The following PIDD1 variants were observed in gnomAD, a reference collection of about 807,000 sequenced individuals.
The protein encoded by PIDD1 is p53-induced death domain protein 1, also known as p53-induced death domain-containing protein 1.
PIDD1 carries 72 observed loss-of-function variants against 80.0 expected under a neutral mutation model. The ratio of observed to expected loss-of-function variants is 0.90; its 90% CI spans 0.74 to 1.09. The LOEUF is 1.09. Among genes scored for constraint, PIDD1 ranks in the 50% least tolerant of loss-of-function variants. The pLI is 0.00. For missense variants in PIDD1, 1,329 were observed against 1,228.3 expected (o/e 1.08, Z -1.23); for synonymous variants, 655 against 543.5 (o/e 1.21, Z -2.85).
In PIDD1 at chr11:803,605, G is replaced by A. The variant is rs374262530; in HGVS notation, c.296-18C>T. 15 of 1,592,056 alleles carry A rather than the reference G, an allele frequency of 9.4e-6. No individual in the cohort carries two copies. Among genetic ancestry groups the A allele is most frequent in the East Asian group, 4.6e-5 (2 of 43,710 alleles). On this transcript the variant is annotated intron_variant, in intron 2 of 15. Coordinates refer to ENST00000347755, the MANE Select transcript of PIDD1 (RefSeq NM_145886.4). ...TTGCCCTCCTGGGAAGGGGGGAGGC[G>A]GATGTGGCCCTCAGAGCCAGGGTCC...
Position 804,074 on chromosome 11 carries a change from C to A in PIDD1, c.295+20G>T, listed in dbSNP as rs1164111544. 4.4e-6 allele frequency: 7 copies of A among 1,589,690 alleles called. No homozygotes were observed. In the South Asian group the frequency reaches 7.9e-5, roughly 18 times the overall value. On this transcript the variant is annotated intron_variant, in intron 2 of 15. Coordinates refer to ENST00000347755, the MANE Select transcript of PIDD1 (RefSeq NM_145886.4). Reference sequence around the variant, plus strand: ...GCAGAGCGAGAGATGGAGACAGGGCCCAGAACAGGTGGAACTCACCTTTGA... The same window carrying A: ...GCAGAGCGAGAGATGGAGACAGGGCACAGAACAGGTGGAACTCACCTTTGA...
In PIDD1 at chr11:800,860, C is replaced by T. The variant is rs1359251563; in HGVS notation, c.1819G>A (p.Ala607Thr). ...CGGTGCAGCCGCAGCCGCTCCCAGG[C>T]CTTCCGAGCCAGGCCTCCCACACAG... ...KNCVGGLARK[A>T]WERLRLHRVN... Residue 607 changes from alanine to threonine, a missense_variant, in exon 11 of 16, where the codon GCC (alanine) becomes ACC (threonine). By Grantham distance (58) the Ala-to-Thr change is moderately conservative. Transcript: ENST00000347755. 1.9e-6 allele frequency: 3 copies of T among 1,578,918 alleles called. No individual in the cohort carries two copies. Among genetic ancestry groups the T allele is most frequent in the East Asian group, 2.3e-5 (1 of 43,480 alleles).
chr11:806,459 G>T (rs1025035888), upstream of PIDD1, among the ~76,000 whole-genome samples: 1 of 152,016 alleles, frequency 6.6e-6, no homozygotes, highest in Non-Finnish European at 1.5e-5. Flanking sequence ...AGGTCATATC[G>T]GCGGCTCCTT....
chr11:802,381 A>AG lies in PIDD1; in HGVS notation c.989dup (p.Gln331SerfsTer44), dbSNP rs764945740. ...AGGCCAGGGTCACTGAGCAGCCTTG[A>AG]GGGGTCACAGGAAAGCTGAGTGAGG... On this transcript the variant is annotated frameshift_variant, in exon 6 of 16. Coordinates refer to ENST00000347755, the MANE Select transcript of PIDD1 (RefSeq NM_145886.4). LOFTEE classifies it high-confidence loss of function. The AG allele has an allele frequency of 4.3e-6, 7 of 1,611,968 alleles. No individual in the cohort carries two copies. Among genetic ancestry groups the AG allele is most frequent in the Non-Finnish European group, 5.9e-6 (7 of 1,179,810 alleles).
At chr11:806,844 A>G (rs1441270484), upstream of PIDD1, among the ~76,000 whole-genome samples, 1 of 152,106 alleles carries the variant, frequency 6.6e-6, no homozygotes, top group East Asian at 1.9e-4. Context: ...CGGCCTCCCA[A>G]AGTGCTGGGA....
At chr11:805,772 T>C (rs1865737623), upstream of PIDD1, 2 of 747,742 alleles carry the variant, frequency 2.7e-6, no homozygotes, top group Non-Finnish European at 3.3e-6. Context: ...TGGCACTGTC[T>C]CCTTCAATCG....
Position 802,664 on chromosome 11 carries a change from T to G in PIDD1, c.919+18A>C, listed in dbSNP as rs778064612. ...TCATGTCCTATCCCAGGTCTGCCCC[T>G]TCTAGCACCAAGCCTACCTGGTGAA... On this transcript the variant is annotated intron_variant, in intron 4 of 15. Transcript: ENST00000347755. 1.9e-6 allele frequency: 3 copies of G among 1,608,046 alleles called. No homozygotes were observed. The highest frequency in any genetic ancestry group is 2.2e-5 in the South Asian group (2 of 90,234).
Position 799,361 on chromosome 11 carries a change from G to C in PIDD1, c.2679C>G (p.Asp893Glu), listed in dbSNP as rs563279130. The C allele has an allele frequency of 6.2e-7, 1 of 1,611,292 alleles. No homozygotes were observed. Among genetic ancestry groups the C allele is most frequent in the East Asian group, 2.2e-5 (1 of 44,880 alleles). ...SIRRMGLAPKDPALPGSSAPQ... is the reference protein window; with the variant it reads ...SIRRMGLAPKEPALPGSSAPQ... Reference sequence around the variant, plus strand: ...GAGCCGAGGAGCCAGGCAGAGCGGGGTCCTTGGGGGCCAAGCCCATGCGTC... The same window carrying C: ...GAGCCGAGGAGCCAGGCAGAGCGGGCTCCTTGGGGGCCAAGCCCATGCGTC... Residue 893 changes from aspartate to glutamate, a missense_variant, in exon 16 of 16, where the codon GAC becomes GAG. Physicochemically the swap from Asp to Glu is conservative, Grantham distance 45 (BLOSUM62 2). Coordinates refer to ENST00000347755, the MANE Select transcript of PIDD1 (RefSeq NM_145886.4).
Position 799,333 on chromosome 11 carries a change from G to A in PIDD1, c.2707C>T (p.Gln903Ter), listed in dbSNP as rs2133741291. The A allele has an allele frequency of 1.2e-6, 2 of 1,606,972 alleles. No individual in the cohort carries two copies. The highest frequency in any genetic ancestry group is 1.1e-5 in the South Asian group (1 of 90,874). ...DPALPGSSAP[Q>*]PPEPAQA ...TAGGCCTGGGCAGGCTCTGGGGGCT[G>A]TGGAGCCGAGGAGCCAGGCAGAGCG... is the stretch of plus-strand genomic sequence containing the variant. Residue 903 changes from glutamine (Q) to a stop codon, truncating the protein, a stop_gained, in exon 16 of 16, where the codon CAG (glutamine) becomes TAG (stop). Transcript: ENST00000347755. LOFTEE classifies it high-confidence loss of function.
At chr11:805,548 A>C, upstream of PIDD1, 12 of 916,106 alleles carry the variant, frequency 1.3e-5, no homozygotes, top group Non-Finnish European at 1.6e-5. Context: ...GCTCCGAGGC[A>C]GACCCGGCCC....
At chr11:800,485 T>TTGGGGAGGA (rs1865186224) in intron 12 of PIDD1, 34 bp from the exon 13 acceptor site, 1 of 1,545,214 alleles carries the variant, frequency 6.5e-7, no homozygotes, top group African/African-American at 1.4e-5. Flanking sequence ...CAAGGAGGGC[T>TTGGGGAGGA]CGGGGAGGAC....
Position 804,446 on chromosome 11 carries a change from A to G in PIDD1, c.-58T>C. ...TCCCAGCACGCAGGCAGGCCTGTCC[A>G]GGCAGCGCCCGGGGAAGCTGCAGAG... On this transcript the variant is annotated 5_prime_UTR_variant, in exon 2 of 16. Transcript: ENST00000347755. 1.3e-6 allele frequency: 2 copies of G among 1,519,126 alleles called. No homozygotes were observed. Among genetic ancestry groups the G allele is most frequent in the Non-Finnish European group, 1.8e-6 (2 of 1,137,646 alleles). The allele number at this position is 1,519,126 out of a possible 1,614,324, so 94.1% of individuals were successfully genotyped here.
rs768788079 is a variant in PIDD1, at chr11:802,751, C to G, written c.850G>C (p.Asp284His). Residue 284 changes from aspartate to histidine, a missense_variant, in exon 4 of 16, where the codon GAC becomes CAC. By Grantham distance (81) the Asp-to-His change is moderately conservative (BLOSUM62 -1). Coordinates refer to ENST00000347755, the MANE Select transcript of PIDD1 (RefSeq NM_145886.4). ...QLRDLPPELLDAPFVRLQGNP... is the reference protein window; with the variant it reads ...QLRDLPPELLHAPFVRLQGNP... ...CCCTGCAGGCGCACAAAGGGGGCGT[C>G]TAGCAGCTCAGGGGGCAGGTCCCGG... is the stretch of plus-strand genomic sequence containing the variant. 6.2e-7 allele frequency: 1 copy of G among 1,611,164 alleles called. No individual in the cohort carries two copies. Among genetic ancestry groups the G allele is most frequent in the East Asian group, 2.2e-5 (1 of 44,816 alleles).
chr11:803,511 C>G lies in PIDD1; in HGVS notation c.372G>C (p.Leu124=). 2 of 1,613,454 alleles carry G rather than the reference C, an allele frequency of 1.2e-6. No individual in the cohort carries two copies. The highest frequency in any genetic ancestry group is 2.2e-5 in the East Asian group (1 of 44,880). The part of the protein sequence containing the change: ...LTNLPAGLSG[L]AHLAHLDLSF... ...TCAGGTCCAGGTGGGCCAGATGGGC[C>G]AGGCCACTCAGACCAGCGGGCAGGT... Residue 124 remains leucine (L), a synonymous_variant, in exon 3 of 16, where the codon CTG becomes CTC. Coordinates refer to ENST00000347755, the MANE Select transcript of PIDD1 (RefSeq NM_145886.4).
intron 2 of PIDD1, 24 bp downstream of exon 2, chr11:804,070 G>C: frequency 6.3e-7 from 1 of 1,578,688 alleles, no homozygotes; most frequent in Non-Finnish European, 8.6e-7. Context: ...GATGGAGACA[G>C]GGCCCAGAAC....
intron 3 of PIDD1, 71 bp from the exon 4 acceptor site, chr11:802,962 TC>T: frequency 1.5e-6 from 2 of 1,319,878 alleles, no homozygotes; most frequent in Non-Finnish European, 1.1e-6. Flanking sequence ...TGCTGCCGCC[TC>T]CCAGAGCAGC....
rs1050147993 is a variant in PIDD1 at position 805,229 on chromosome 11, C to A, written c.-126G>T. The A allele has an allele frequency of 1.0e-6, 1 of 983,248 alleles. No individual in the cohort carries two copies. Among genetic ancestry groups the A allele is most frequent in the Non-Finnish European group, 1.2e-6 (1 of 827,980 alleles). The allele number at this position is 983,248 out of a possible 1,614,324, so 60.9% of individuals were successfully genotyped here. ...GTGGCTGCTCAGCGGGCGCTCGGCG[C>A]CTGGGATCCCGCCGGCGCGTTTCTG... is the stretch of plus-strand genomic sequence containing the variant. On this transcript the variant is annotated 5_prime_UTR_variant, in exon 1 of 16. Coordinates refer to ENST00000347755, the MANE Select transcript of PIDD1 (RefSeq NM_145886.4).
rs1343747525 is a variant in PIDD1 at position 799,388 on chromosome 11, G to A, written c.2652C>T (p.Ile884=). 4 of 1,611,852 alleles carry A rather than the reference G, an allele frequency of 2.5e-6. No homozygotes were observed. The highest frequency in any genetic ancestry group is 1.3e-5 in the African/African-American group (1 of 74,934). The change falls in exon 16 of 16, where the codon ATC becomes ATT. Residue 884 remains isoleucine (I), a synonymous_variant. Coordinates refer to ENST00000347755, the MANE Select transcript of PIDD1 (RefSeq NM_145886.4). ...ELGRRKYQDS[I]RRMGLAPKDP... ...CCTTGGGGGCCAAGCCCATGCGTCG[G>A]ATGCTGTCCTGGTACTTGCGGCGGC...
In PIDD1 at chr11:802,796, C is replaced by G. The variant is rs202145574; in HGVS notation, c.805G>C (p.Asp269His). ...TCCCGGAGCTGGTTGTCCCTCAGGTCGAGCCGGGTGAGGAGTGGAAGGCGG... is the reference window on the plus strand; with the variant it reads ...TCCCGGAGCTGGTTGTCCCTCAGGTGGAGCCGGGTGAGGAGTGGAAGGCGG... Reference protein sequence around the residue: ...LARLPLLTRLDLRDNQLRDLP... With the variant: ...LARLPLLTRLHLRDNQLRDLP... Residue 269 changes from aspartate (D) to histidine (H), a missense_variant, in exon 4 of 16, where the codon GAC becomes CAC. By Grantham distance (81) the Asp-to-His change is moderately conservative (BLOSUM62 -1). Transcript: ENST00000347755. 6.2e-7 allele frequency: 1 copy of G among 1,605,394 alleles called. No homozygotes were observed. Among genetic ancestry groups the G allele is most frequent in the Non-Finnish European group, 8.5e-7 (1 of 1,176,742 alleles).
Sources: allele counts gnomAD v4.1 joint callset (sites outside exome capture counted in the v4.1 genomes callset), GRCh38; gene constraint gnomAD v4.1.1; transcripts MANE v1.5; gene names NCBI Gene and HGNC (gene_info 2026-07-23, HGNC 2026-07-21).